The following MCF2L variants were observed in gnomAD, a reference collection of about 807,000 sequenced individuals.
The protein encoded by MCF2L is guanine nucleotide exchange factor DBS.
Under a neutral mutation model 153.4 loss-of-function variants are expected in MCF2L, and 97 were observed. The ratio of observed to expected loss-of-function variants is 0.63; its 90% CI spans 0.54 to 0.75. MCF2L has a LOEUF of 0.75. Ranked by LOEUF, MCF2L falls within the 30% of genes least tolerant of loss-of-function variation. The pLI, the probability that MCF2L is intolerant of heterozygous loss-of-function variation, is 0.00. For synonymous variants in MCF2L, 659 were observed against 632.2 expected (o/e 1.04, Z -0.64); for missense variants, 1,347 against 1,495.2 (o/e 0.90, Z 1.64).
intron 1 of MCF2L, among the ~76,000 whole-genome samples, chr13:112,976,164 T>TTGTG (rs770299172): frequency 1.3e-5 from 2 of 148,874 alleles, no homozygotes; most frequent in Admixed American, 6.7e-5. Context: ...GTTTGCTTGT[T>TTGTG]TGTGTGTGTG....
intron 3 of MCF2L, among the ~76,000 whole-genome samples, chr13:113,025,525 T>C (rs2085203000): frequency 3.1e-5 from 2 of 64,796 alleles, no homozygotes; most frequent in Admixed American, 1.4e-4. Flanking sequence ...GGTTTCATCA[T>C]CGTGGGGTCC....
intron 11 of MCF2L, among the ~76,000 whole-genome samples, chr13:113,075,759 AT>A (rs2033403423): frequency 2.2e-5 from 2 of 90,026 alleles, no homozygotes; most frequent in Admixed American, 2.5e-4. Context: ...TCCCCTTGGG[AT>A]TGGCCTTGTC....
chr13:112,941,771 G>C lies in MCF2L; in HGVS notation c.169+39400G>C, dbSNP rs887622021. On this transcript the variant is annotated intron_variant, in intron 2 of 29. Transcript: ENST00000375608. This position sits in a 1 kb window ranked among gnomAD's most constrained non-coding sequence, Gnocchi z 4.9. ...GATTATATATGAATATCAATCATTA[G>C]TTTGTAGCAATTACTCTTTATTCCA... is the stretch of plus-strand genomic sequence containing the variant. 1.3e-5 allele frequency among the ~76,000 whole-genome samples: 2 copies of C among 152,008 alleles called. No individual in the cohort carries two copies. The highest frequency in any genetic ancestry group is 4.8e-5 in the African/African-American group (2 of 41,362).
chr13:112,912,690 A>G (rs2081245142), intron 2 of MCF2L, among the ~76,000 whole-genome samples: 1 of 152,164 alleles, frequency 6.6e-6, no homozygotes, highest in Non-Finnish European at 1.5e-5. Flanking sequence ...AAGTCACCTA[A>G]TAAATATCCC....
chr13:112,906,526 G>A (rs1477436756), intron 2 of MCF2L, among the ~76,000 whole-genome samples: 1 of 152,236 alleles, frequency 6.6e-6, no homozygotes, highest in East Asian at 1.9e-4. Flanking sequence ...TGGGGTGCGT[G>A]TGGAGCTTGT....
chr13:113,018,149 C>G (rs2084650934), intron 2 of MCF2L, among the ~76,000 whole-genome samples: 1 of 152,168 alleles, frequency 6.6e-6, no homozygotes, highest in Non-Finnish European at 1.5e-5. Flanking sequence ...TGAAAGGCGG[C>G]CAAGTGAGGG....
rs546876160 is a variant in MCF2L, at chr13:112,897,340, G to A, written c.-5+2909G>A. On this transcript the variant is annotated intron_variant, in intron 1 of 29. Coordinates refer to the MCF2L transcript ENST00000375608. ...GGTGGTCAGGAGCCCAGCATGAACC[G>A]GACTCAGTTGAGCATCAGGGCTGCC... 4.6e-5 allele frequency among the ~76,000 whole-genome samples: 7 copies of A among 152,100 alleles called. No individual in the cohort carries two copies. In the South Asian group the frequency reaches 8.3e-4, roughly 18 times the overall value.
intron 1 of MCF2L, among the ~76,000 whole-genome samples, chr13:112,980,443 C>T (rs928524833): frequency 6.6e-5 from 10 of 152,260 alleles, no homozygotes; most frequent in Admixed American, 1.3e-4. Flanking sequence ...CCTGCTTTGA[C>T]TTGGCTCCCC....
At chr13:113,023,120 A>AGG (rs1222609759) in intron 2 of MCF2L, among the ~76,000 whole-genome samples, 3 of 152,202 alleles carry the variant, frequency 2.0e-5, no homozygotes, top group Admixed American at 6.5e-5. Context: ...TCCCAGGTGA[A>AGG]GGGGGGCCGT....
At chr13:112,923,257 C>CT (rs57030206) in intron 2 of MCF2L, among the ~76,000 whole-genome samples, 4,653 of 78,362 alleles carry the variant, frequency 0.059, 281 homozygotes, top group South Asian at 0.088. Context: ...GTGTTTGCTT[C>CT]TTTTTTTTTT....
intron 2 of MCF2L, chr13:112,916,992 C>T: frequency 2.2e-6 from 1 of 450,924 alleles, no homozygotes; most frequent in Non-Finnish European, 4.6e-6. Context: ...CATCCCTCTT[C>T]CCACTCCAGG....
intron 1 of MCF2L, 62 bp from the exon 2 acceptor site, chr13:113,014,701 G>A: frequency 6.3e-6 from 9 of 1,430,216 alleles, no homozygotes; most frequent in Non-Finnish European, 8.8e-6. Context: ...GGATCGGGTG[G>A]GCGCTTGCAG....
At chr13:112,994,344 G>A (rs1176955583) in intron 1 of MCF2L, among the ~76,000 whole-genome samples, 3 of 150,492 alleles carry the variant, frequency 2.0e-5, no homozygotes, top group Non-Finnish European at 3.0e-5. Context: ...TGTCTCGGGC[G>A]GGGGCCAGTG....
At chr13:112,894,714 C>A (rs1361739608) in intron 1 of MCF2L, among the ~76,000 whole-genome samples, 1 of 152,046 alleles carries the variant, frequency 6.6e-6, no homozygotes, top group Admixed American at 6.6e-5. Flanking sequence ...GCGCCCAGGG[C>A]CCCTCCGCAT....
At chr13:113,019,386 G>A (rs1443908630) in intron 2 of MCF2L, among the ~76,000 whole-genome samples, 14 of 152,186 alleles carry the variant, frequency 9.2e-5, no homozygotes, top group East Asian at 1.9e-4. Flanking sequence ...GGACCGATCC[G>A]ATCCTGCGCT....
intron 2 of MCF2L, among the ~76,000 whole-genome samples, chr13:112,918,911 C>T (rs1031474707): frequency 9.2e-5 from 14 of 152,298 alleles, no homozygotes; most frequent in African/African-American, 3.4e-4. Context: ...GTGCCCCATC[C>T]TCCGTGTCCC....
Position 112,900,651 on chromosome 13 carries a change from G to C in MCF2L, c.-4-1548G>C, listed in dbSNP as rs375017171. On this transcript the variant is annotated intron_variant, in intron 1 of 29. Transcript: ENST00000375608. Reference sequence around the variant, plus strand: ...TGTTGGGGGAAGAGGGGCGGGTGGAGAAGCACAGCCTCTGCTGTGAGGGGC... The same window carrying C: ...TGTTGGGGGAAGAGGGGCGGGTGGACAAGCACAGCCTCTGCTGTGAGGGGC... Among the ~76,000 whole-genome samples the C allele has an allele frequency of 3.5e-3, 532 of 152,242 alleles. 3 individuals carry two copies. Among genetic ancestry groups the C allele is most frequent in the African/African-American group, 0.012 (505 of 41,534 alleles).
In MCF2L at chr13:112,993,299, T is replaced by G. The variant is rs2082967805; in HGVS notation, c.80-21464T>G. On this transcript the variant is annotated intron_variant, in intron 1 of 29. Transcript: ENST00000535094. This position sits in a 1 kb window ranked among gnomAD's most constrained non-coding sequence, Gnocchi z 4.6. Reference sequence around the variant, plus strand: ...GGGCACACAACATGGTGGGTGTTCCTGGGCAGAGGCTTGGTGGGCAGTAGG... The same window carrying G: ...GGGCACACAACATGGTGGGTGTTCCGGGGCAGAGGCTTGGTGGGCAGTAGG... Among the ~76,000 whole-genome samples, 1 of 152,170 alleles carries G rather than the reference T, an allele frequency of 6.6e-6. No individual in the cohort carries two copies. Among genetic ancestry groups the G allele is most frequent in the South Asian group, 2.1e-4 (1 of 4,826 alleles).
intron 1 of MCF2L, 77 bp from the exon 2 acceptor site, chr13:113,014,686 G>C: frequency 1.6e-6 from 2 of 1,252,496 alleles, no homozygotes; most frequent in African/African-American, 1.5e-5. Flanking sequence ...TGCCAGCTCC[G>C]TGTGGGATCG....
Sources: gnomAD v4.1 joint callset for allele counts (sites outside exome capture counted in the v4.1 genomes callset) on GRCh38, gnomAD v4.1.1 for gene constraint, Gnocchi (gnomAD v3.1) non-coding constraint, MANE v1.5 for transcripts, NCBI Gene and HGNC (gene_info 2026-07-23, HGNC 2026-07-21) for gene names.